Variants in SLC9B1 observed in about 807,000 individuals in gnomAD.
The protein encoded by SLC9B1 is solute carrier family 9 member B1.
SLC9B1 carries 32 observed loss-of-function variants against 51.7 expected under a neutral mutation model. The ratio of observed to expected loss-of-function variants is 0.62; its 90% CI spans 0.47 to 0.83. SLC9B1 has a LOEUF of 0.83. SLC9B1 is among the 40% of genes least tolerant of loss of function. The pLI is 0.00. For missense variants in SLC9B1, 406 were observed against 613.2 expected (o/e 0.66, Z 3.57); for synonymous variants, 145 against 212.7 (o/e 0.68, Z 2.77).
chr4:102,890,926 ACCAATATAAATATCTCAG>A (rs1433645177), intron 11 of SLC9B1: 1 of 150,068 alleles, frequency 6.7e-6, no homozygotes, highest in Non-Finnish European at 1.5e-5. Flanking sequence ...ACAGGAGGAA[ACCAATATAAATATCTCAG>A]CATTGTAGGA....
At chr4:102,988,618 GT>G (rs1453150103) in intron 3 of SLC9B1, among the ~76,000 whole-genome samples, 9 of 152,200 alleles carry the variant, frequency 5.9e-5, no homozygotes, top group Admixed American at 2.0e-4. Context: ...AAAGGAAACA[GT>G]GTGAATGTAG....
chr4:102,951,965 T>TTTTTATTTTTTA (rs1553983459), intron 3 of SLC9B1, among the ~76,000 whole-genome samples: 1 of 10,554 alleles, frequency 9.5e-5, no homozygotes, highest in Non-Finnish European at 1.8e-4. Flanking sequence ...AAAATCTTTT[T>TTTTTATTTTTTA]TTTTTTTTTT....
At chr4:102,962,973 A>G (rs1253801762) in intron 3 of SLC9B1, 3 of 461,620 alleles carry the variant, frequency 6.5e-6, no homozygotes, top group Non-Finnish European at 1.3e-5. Flanking sequence ...TCCATCTTGA[A>G]TGTTGTTGAT....
chr4:103,004,309 C>G (rs1740675798), intron 1 of SLC9B1, among the ~76,000 whole-genome samples: 2 of 152,128 alleles, frequency 1.3e-5, no homozygotes, highest in African/African-American at 4.8e-5. Flanking sequence ...GTATTAACAG[C>G]AGAATAGACC....
chr4:102,991,104 T>G (rs1311461071), intron 2 of SLC9B1, among the ~76,000 whole-genome samples: 1 of 152,032 alleles, frequency 6.6e-6, no homozygotes, highest in Non-Finnish European at 1.5e-5. Flanking sequence ...ATAATTAGAA[T>G]CAATGGTGAA....
At chr4:102,913,555 T>C (rs899600912) in intron 7 of SLC9B1, among the ~76,000 whole-genome samples, 26 of 150,218 alleles carry the variant, frequency 1.7e-4, no homozygotes, top group Non-Finnish European at 2.4e-4. Flanking sequence ...CAAAAATAAG[T>C]AAAAAATAAA....
intron 1 of SLC9B1, among the ~76,000 whole-genome samples, chr4:103,006,003 T>C (rs1740764561): frequency 6.6e-6 from 1 of 151,988 alleles, no homozygotes; most frequent in Admixed American, 6.6e-5. Context: ...TAGAAAGATC[T>C]CAAATTAACA....
intron 3 of SLC9B1, among the ~76,000 whole-genome samples, chr4:102,969,978 C>T (rs189426014): frequency 4.7e-4 from 72 of 152,014 alleles, no homozygotes; most frequent in African/African-American, 1.2e-3. Context: ...CCAAGAAATA[C>T]GGGACTATGT....
At chr4:102,962,311 G>T (rs1468665843) in intron 3 of SLC9B1, 2 of 539,250 alleles carry the variant, frequency 3.7e-6, no homozygotes, top group Non-Finnish European at 7.5e-6. Context: ...CTACAAAGTG[G>T]TCAATATGAC....
At chr4:103,007,617 G>A (rs1054309803) in intron 1 of SLC9B1, among the ~76,000 whole-genome samples, 3 of 125,976 alleles carry the variant, frequency 2.4e-5, no homozygotes, top group African/African-American at 9.5e-5. Flanking sequence ...TTTTTTTCTG[G>A]AGAGATGGGT....
intron 3 of SLC9B1, among the ~76,000 whole-genome samples, chr4:102,964,318 A>G (rs1179614820): frequency 6.6e-6 from 1 of 152,112 alleles, no homozygotes; most frequent in Non-Finnish European, 1.5e-5. Flanking sequence ...AAATCTTCCT[A>G]TAGAGAAAAA....
intron 11 of SLC9B1, among the ~76,000 whole-genome samples, chr4:102,894,029 G>A (rs1734413362): frequency 2.6e-5 from 4 of 152,140 alleles, no homozygotes. Context: ...TATGCAAAGA[G>A]CACTGTATTT....
chr4:102,945,547 T>C (rs1429163314), intron 5 of SLC9B1, among the ~76,000 whole-genome samples: 2 of 152,040 alleles, frequency 1.3e-5, no homozygotes, highest in African/African-American at 4.8e-5. Context: ...TATATTTTAA[T>C]TATTAAAAGA....
At chr4:102,945,041 G>C in intron 6 of SLC9B1, 152 bp downstream of exon 6, 1 of 860,922 alleles carries the variant, frequency 1.2e-6, no homozygotes, top group Non-Finnish European at 1.7e-6. Flanking sequence ...TTTGGGACAT[G>C]GCTCTGCTTT....
chr4:102,936,903 C>G (rs1422576462), intron 6 of SLC9B1, among the ~76,000 whole-genome samples: 1 of 152,008 alleles, frequency 6.6e-6, no homozygotes, highest in Non-Finnish European at 1.5e-5. Flanking sequence ...GCAGAGAACC[C>G]CTGTGAGATA....
chr4:102,993,027 G>C (rs573931982), intron 1 of SLC9B1, among the ~76,000 whole-genome samples: 1 of 152,252 alleles, frequency 6.6e-6, no homozygotes, highest in East Asian at 1.9e-4. Context: ...ATGACATGTG[G>C]GGATTGTTAT....
intron 3 of SLC9B1, among the ~76,000 whole-genome samples, chr4:102,988,534 T>C (rs1284861057): frequency 6.6e-6 from 1 of 152,116 alleles, no homozygotes; most frequent in Non-Finnish European, 1.5e-5. Context: ...TATTCCATGA[T>C]GCGGCAGAGT....
intron 6 of SLC9B1, among the ~76,000 whole-genome samples, chr4:102,940,671 TAATC>T (rs1736947093): frequency 6.6e-6 from 1 of 151,998 alleles, no homozygotes; most frequent in Non-Finnish European, 1.5e-5. Context: ...GCAAAAGAAA[TAATC>T]AGCAGAGTAA....
At chr4:102,895,167 T>G (rs1015819968) in intron 11 of SLC9B1, among the ~76,000 whole-genome samples, 3 of 152,084 alleles carry the variant, frequency 2.0e-5, no homozygotes, top group African/African-American at 7.2e-5. Context: ...GAAAAACAAT[T>G]GTATTAAGAA....
Sources: allele counts gnomAD v4.1 joint callset (sites outside exome capture counted in the v4.1 genomes callset), GRCh38; gene constraint gnomAD v4.1.1; transcripts MANE v1.5; gene names NCBI Gene and HGNC (gene_info 2026-07-23, HGNC 2026-07-21).